Variants in CADPS2 observed in about 807,000 individuals in gnomAD.
CADPS2 encodes calcium dependent secretion activator 2.
CADPS2 carries 93 observed loss-of-function variants against 172.5 expected under a neutral mutation model. The observed-to-expected ratio is 0.54, with a 90% CI of 0.46 to 0.64. The LOEUF (loss-of-function observed/expected upper bound fraction) is 0.64, where lower values mean the gene tolerates loss of function less well. Among genes scored for constraint, CADPS2 ranks in the 30% least tolerant of loss-of-function variants. The probability of loss-of-function intolerance (pLI) is 0.00; values close to 1 mark genes in which losing one functional copy is unlikely to be tolerated. For synonymous variants in CADPS2, 546 were observed against 555.2 expected (o/e 0.98, Z 0.23); for missense variants, 1,420 against 1,565.9 (o/e 0.91, Z 1.57).
intron 2 of CADPS2, among the ~76,000 whole-genome samples, chr7:122,692,592 CT>C (rs2084530309): frequency 6.6e-6 from 1 of 152,218 alleles, no homozygotes; most frequent in African/African-American, 2.4e-5. Context: ...ACAGCCCATG[CT>C]GCGGCCACAT....
chr7:122,699,769 C>T (rs1223303966), intron 2 of CADPS2, among the ~76,000 whole-genome samples: 1 of 152,080 alleles, frequency 6.6e-6, no homozygotes, highest in East Asian at 1.9e-4. Flanking sequence ...TCTCTGCAGA[C>T]TTTGATGTCT....
chr7:122,765,461 G>T (rs1356944034), intron 1 of CADPS2, among the ~76,000 whole-genome samples: 3 of 152,170 alleles, frequency 2.0e-5, no homozygotes, highest in Non-Finnish European at 4.4e-5. Flanking sequence ...TGACTGAGCA[G>T]TTGGGAACTA....
At chr7:122,400,304 G>A (rs1488734982) in intron 20 of CADPS2, among the ~76,000 whole-genome samples, 1 of 151,828 alleles carries the variant, frequency 6.6e-6, no homozygotes, top group Non-Finnish European at 1.5e-5. Context: ...GGGTGTGGTG[G>A]TGCATGCCTG....
intron 17 of CADPS2, among the ~76,000 whole-genome samples, chr7:122,433,145 G>GGT (rs2050179418): frequency 1.3e-5 from 2 of 148,462 alleles, no homozygotes; most frequent in African/African-American, 5.2e-5. Flanking sequence ...GGCTATTTGA[G>GGT]GCGTGTGTGT....
chr7:122,442,745 A>G (rs1055789011), intron 15 of CADPS2, among the ~76,000 whole-genome samples: 6 of 152,166 alleles, frequency 3.9e-5, no homozygotes, highest in Non-Finnish European at 8.8e-5. Flanking sequence ...TTAGTCTCAC[A>G]CAGATGCAAA....
intron 27 of CADPS2, among the ~76,000 whole-genome samples, chr7:122,359,980 G>C (rs2039920104): frequency 6.6e-6 from 1 of 152,122 alleles, no homozygotes. Flanking sequence ...ATTTCTAATG[G>C]CAATGTAGAG....
intron 7 of CADPS2, among the ~76,000 whole-genome samples, chr7:122,570,657 G>A (rs966522676): frequency 4.0e-5 from 6 of 150,950 alleles, no homozygotes; most frequent in Non-Finnish European, 8.8e-5. Flanking sequence ...TGATAGACTG[G>A]ATTAAGAAAA....
chr7:122,332,568 G>T (rs2035154217), intron 28 of CADPS2, among the ~76,000 whole-genome samples: 1 of 152,008 alleles, frequency 6.6e-6, no homozygotes, highest in Non-Finnish European at 1.5e-5. Context: ...TGCTAACATT[G>T]GGAAGGTTGG....
chr7:122,676,096 G>T (rs1334752774), intron 2 of CADPS2, among the ~76,000 whole-genome samples: 2 of 152,160 alleles, frequency 1.3e-5, no homozygotes, highest in African/African-American at 4.8e-5. Context: ...AGGTAAGGGG[G>T]TGGGGAGGAG....
chr7:122,611,261 C>A (rs2074257068), intron 6 of CADPS2, among the ~76,000 whole-genome samples: 1 of 151,788 alleles, frequency 6.6e-6, no homozygotes, highest in Non-Finnish European at 1.5e-5. Context: ...AGAAATCATC[C>A]TAGAAATGTT....
chr7:122,427,593 A>G (rs1474330859), intron 17 of CADPS2, among the ~76,000 whole-genome samples: 1 of 152,184 alleles, frequency 6.6e-6, no homozygotes, highest in African/African-American at 2.4e-5. Flanking sequence ...GTATCATTTT[A>G]CCACTGATTT....
At chr7:122,541,682 T>G (rs1454102501) in intron 8 of CADPS2, among the ~76,000 whole-genome samples, 1 of 146,182 alleles carries the variant, frequency 6.8e-6, no homozygotes, top group Non-Finnish European at 1.5e-5. Flanking sequence ...TGTTTATATA[T>G]TTATTCATAT....
At chr7:122,507,874 G>C (rs1008761422) in intron 9 of CADPS2, among the ~76,000 whole-genome samples, 1 of 152,010 alleles carries the variant, frequency 6.6e-6, no homozygotes, top group East Asian at 1.9e-4. Context: ...TCTGCCATGA[G>C]GGTAAGGAAA....
chr7:122,457,212 G>A lies in CADPS2; in HGVS notation c.2187-5737C>T, dbSNP rs561246249. Among the ~76,000 whole-genome samples the A allele has an allele frequency of 2.6e-5, 4 of 152,258 alleles. No individual in the cohort carries two copies. In the East Asian group the frequency reaches 7.7e-4, roughly 29 times the overall value. ...AAAAAGGGTACAAAACTGGGCTGTA[G>A]AATCAGGCATTTGAGCAGAAGAGAA... On this transcript the variant is annotated intron_variant, in intron 14 of 29. Transcript: ENST00000449022.
intron 27 of CADPS2, among the ~76,000 whole-genome samples, chr7:122,353,049 G>A (rs979842822): frequency 3.3e-5 from 5 of 152,248 alleles, no homozygotes; most frequent in African/African-American, 1.2e-4. Context: ...TGTGCTCATC[G>A]AATTCTGAAT....
chr7:122,554,804 A>T, intron 7 of CADPS2, 115 bp from the exon 8 acceptor site: 1 of 851,428 alleles, frequency 1.2e-6, no homozygotes, highest in Non-Finnish European at 1.7e-6. Context: ...ACCCAAATGT[A>T]TCCAATAAAC....
intron 3 of CADPS2, among the ~76,000 whole-genome samples, chr7:122,661,414 C>A (rs2080514426): frequency 6.6e-6 from 1 of 151,964 alleles, no homozygotes; most frequent in South Asian, 2.1e-4. Flanking sequence ...AAGTTAATAA[C>A]ATAAACTCAT....
At chr7:122,764,394 A>G (rs2093482859) in intron 1 of CADPS2, among the ~76,000 whole-genome samples, 1 of 152,196 alleles carries the variant, frequency 6.6e-6, no homozygotes, top group South Asian at 2.1e-4. Flanking sequence ...TATCTGACAA[A>G]TAGATTTGTT....
intron 28 of CADPS2, among the ~76,000 whole-genome samples, chr7:122,344,559 T>C (rs537349835): frequency 6.6e-6 from 1 of 152,334 alleles, no homozygotes; most frequent in South Asian, 2.1e-4. Flanking sequence ...TACTGCATAT[T>C]TTAGCACATA....
Sources: allele counts gnomAD v4.1 joint callset (sites outside exome capture counted in the v4.1 genomes callset), GRCh38; gene constraint gnomAD v4.1.1; transcripts MANE v1.5; gene names NCBI Gene and HGNC (gene_info 2026-07-23, HGNC 2026-07-21).